TRAK1: variants seen among roughly 807,000 people sequenced by gnomAD.
TRAK1 encodes trafficking kinesin protein 1.
TRAK1 carries 33 observed loss-of-function variants against 92.1 expected under a neutral mutation model. The observed-to-expected ratio is 0.36, with a 90% CI of 0.27 to 0.48. TRAK1 has a LOEUF of 0.48. TRAK1 is among the 20% of genes least tolerant of loss of function. The probability of loss-of-function intolerance (pLI) is 0.99; values close to 1 mark genes in which losing one functional copy is unlikely to be tolerated. For synonymous variants in TRAK1, 521 were observed against 517.3 expected (o/e 1.01, Z -0.10); for missense variants, 1,123 against 1,257.9 (o/e 0.89, Z 1.62).
chr3:42,220,409 G>T, intron 15 of TRAK1: 1 of 873,322 alleles, frequency 1.1e-6, no homozygotes, highest in Non-Finnish European at 1.4e-6. Context: ...TTCCTCTGTG[G>T]TGTAAGATGC....
chr3:42,175,365 T>C (rs1703069390), intron 2 of TRAK1, among the ~76,000 whole-genome samples: 1 of 152,330 alleles, frequency 6.6e-6, no homozygotes, highest in Non-Finnish European at 1.5e-5. Flanking sequence ...GCTGATGGAC[T>C]ATCTAGAGCA....
chr3:42,038,803 G>GATTT (rs1702424232), intron 1 of TRAK1, among the ~76,000 whole-genome samples: 2 of 96,766 alleles, frequency 2.1e-5, no homozygotes, highest in African/African-American at 4.5e-5. Flanking sequence ...AAAAAAAAAA[G>GATTT]TTTTTTTTTT....
chr3:42,090,245 A>G (rs949286158), upstream of TRAK1, among the ~76,000 whole-genome samples: 4 of 152,234 alleles, frequency 2.6e-5, no homozygotes, highest in Non-Finnish European at 5.9e-5. Flanking sequence ...ACCCAACCGC[A>G]TCTACATTTG....
intron 2 of TRAK1, among the ~76,000 whole-genome samples, chr3:42,128,445 A>C (rs1029925567): frequency 6.6e-6 from 1 of 152,200 alleles, no homozygotes; most frequent in Non-Finnish European, 1.5e-5. Context: ...CAACATAGCT[A>C]TTTCCTAAAT....
intron 1 of TRAK1, among the ~76,000 whole-genome samples, chr3:42,067,757 G>A (rs1703739290): frequency 6.6e-6 from 1 of 151,910 alleles, no homozygotes. Flanking sequence ...TATCCATTGT[G>A]CTTTATAGGT....
At chr3:42,113,342 ACTC>A (rs1240466199) in intron 1 of TRAK1, among the ~76,000 whole-genome samples, 4 of 149,976 alleles carry the variant, frequency 2.7e-5, no homozygotes, top group Non-Finnish European at 5.9e-5. Flanking sequence ...TCTCTACTCT[ACTC>A]CTACTCCTAC....
At chr3:42,149,799 C>G (rs968458281) in intron 2 of TRAK1, among the ~76,000 whole-genome samples, 1 of 152,026 alleles carries the variant, frequency 6.6e-6, no homozygotes, top group Admixed American at 6.6e-5. Context: ...GTGAAAGACT[C>G]CTGCAGTATG....
intron 1 of TRAK1, among the ~76,000 whole-genome samples, chr3:42,028,585 T>C (rs1365236949): frequency 2.6e-5 from 4 of 152,148 alleles, no homozygotes; most frequent in African/African-American, 4.8e-5. Context: ...GAATGGGGAT[T>C]GAGCCATGGG....
At chr3:42,127,668 C>T (rs1710766750) in intron 2 of TRAK1, among the ~76,000 whole-genome samples, 2 of 152,148 alleles carry the variant, frequency 1.3e-5, no homozygotes, top group African/African-American at 2.4e-5. Flanking sequence ...GCACCATTCA[C>T]ACTTTGATTA....
chr3:42,218,595 G>T, intron 14 of TRAK1: 1 of 985,118 alleles, frequency 1.0e-6, no homozygotes, highest in South Asian at 4.7e-5. Flanking sequence ...GTCTCCCATA[G>T]ACTCTGTTCC....
rs538810381 is a variant in TRAK1 at position 42,048,394 on chromosome 3, G to A, written c.-519+34277G>A. 2.6e-5 allele frequency among the ~76,000 whole-genome samples: 4 copies of A among 152,224 alleles called. No homozygotes were observed. In the East Asian group the frequency reaches 7.7e-4, roughly 29 times the overall value. The stretch of plus-strand genomic sequence containing the variant: ...TGTATTTCCTGCTAATTCCATGTAT[G>A]TGGTTTTAAAAAAGGCAAATGCTAC... On this transcript the variant is annotated intron_variant, in intron 1 of 16. Transcript: ENST00000487159.
At chr3:42,020,251 C>T (rs773310638) in intron 1 of TRAK1, among the ~76,000 whole-genome samples, 11 of 152,220 alleles carry the variant, frequency 7.2e-5, no homozygotes, top group Admixed American at 2.0e-4. Flanking sequence ...TAATTTCTTA[C>T]GCATTGAACC....
rs140975084 is a variant in TRAK1 at position 42,105,448 on chromosome 3, G to A, written c.91+13888G>A. Among the ~76,000 whole-genome samples the A allele has an allele frequency of 4.7e-3, 717 of 152,236 alleles. 6 individuals are homozygous for A. Among genetic ancestry groups the A allele is most frequent in the Non-Finnish European group, 7.8e-3 (533 of 68,018 alleles). Reference sequence around the variant, plus strand: ...TTGAAGATTAAGTGAATGAAATGAAGCAAGAAGAGAAGTTTAGGGAAAAAA... The same window carrying A: ...TTGAAGATTAAGTGAATGAAATGAAACAAGAAGAGAAGTTTAGGGAAAAAA... On this transcript the variant is annotated intron_variant, in intron 1 of 15. Transcript: ENST00000327628.
intron 2 of TRAK1, among the ~76,000 whole-genome samples, chr3:42,151,129 G>A (rs759058311): frequency 3.9e-5 from 6 of 152,224 alleles, no homozygotes; most frequent in African/African-American, 7.2e-5. Flanking sequence ...CAGAGGCCCC[G>A]TGGATTAGTC....
chr3:42,053,826 G>A (rs905101410), intron 1 of TRAK1, among the ~76,000 whole-genome samples: 1 of 152,172 alleles, frequency 6.6e-6, no homozygotes, highest in Non-Finnish European at 1.5e-5. Flanking sequence ...TGTTACCTTT[G>A]ATGGATTGAC....
At chr3:42,191,490 C>G in intron 6 of TRAK1, 68 bp from the exon 7 acceptor site, 1 of 1,470,318 alleles carries the variant, frequency 6.8e-7, no homozygotes, top group South Asian at 1.3e-5. Flanking sequence ...TGCTTTATGC[C>G]TCAGCCCTTG....
upstream of TRAK1, among the ~76,000 whole-genome samples, chr3:42,085,147 A>G (rs1704611611): frequency 6.6e-6 from 1 of 152,100 alleles, no homozygotes; most frequent in Admixed American, 6.5e-5. Context: ...TAAGGCAAAT[A>G]TCCCCAAATC....
chr3:42,089,674 G>GACC (rs1704887332), upstream of TRAK1, among the ~76,000 whole-genome samples: 1 of 85,946 alleles, frequency 1.2e-5, no homozygotes, highest in Non-Finnish European at 2.5e-5. Flanking sequence ...TGCTTTTTGT[G>GACC]ACCCCCCCCC....
chr3:42,013,577 G>A (rs550559592), upstream of TRAK1, among the ~76,000 whole-genome samples: 2,018 of 150,282 alleles, frequency 0.013, 41 homozygotes, highest in African/African-American at 0.046. The surrounding 1 kb of genome is among the most constrained non-coding windows in gnomAD (Gnocchi z 5.1). Flanking sequence ...GGCGGGGCTG[G>A]GAAGGGGGAG....
Sources: gnomAD v4.1 joint callset for allele counts (sites outside exome capture counted in the v4.1 genomes callset) on GRCh38, gnomAD v4.1.1 for gene constraint, Gnocchi (gnomAD v3.1) non-coding constraint, MANE v1.5 for transcripts, NCBI Gene and HGNC (gene_info 2026-07-23, HGNC 2026-07-21) for gene names.